Variants in GMDS observed in about 807,000 individuals in gnomAD.
The protein encoded by GMDS is GDP-mannose 4,6-dehydratase.
GMDS carries 20 observed loss-of-function variants against 49.9 expected under a neutral mutation model. The observed-to-expected ratio is 0.40, with a 90% CI of 0.28 to 0.58. GMDS has a LOEUF of 0.58. GMDS is among the 20% of genes least tolerant of loss of function. The probability of loss-of-function intolerance (pLI) is 0.42; values close to 1 mark genes in which losing one functional copy is unlikely to be tolerated. For missense variants in GMDS, 362 were observed against 481.4 expected (o/e 0.75, Z 2.32); for synonymous variants, 177 against 178.6 (o/e 0.99, Z 0.07).
At chr6:1,872,752 G>A (rs1758838764) in intron 7 of GMDS, among the ~76,000 whole-genome samples, 1 of 152,256 alleles carries the variant, frequency 6.6e-6, no homozygotes, top group African/African-American at 2.4e-5. Flanking sequence ...GCACTTCAAA[G>A]CCCCATTAAG....
intron 9 of GMDS, among the ~76,000 whole-genome samples, chr6:1,695,907 G>GTTTTTTTTTTT (rs11366742): frequency 8.0e-6 from 1 of 124,410 alleles, no homozygotes; most frequent in African/African-American, 3.1e-5. Context: ...TTCTGTCTTG[G>GTTTTTTTTTTT]TTTTTTTTTT....
intron 9 of GMDS, among the ~76,000 whole-genome samples, chr6:1,699,695 C>T (rs1251874684): frequency 2.0e-5 from 3 of 152,134 alleles, no homozygotes; most frequent in African/African-American, 7.3e-5. Context: ...ACCATTAGGG[C>T]TCCCTGGAAA....
chr6:2,096,981 T>C (rs1255210608), intron 4 of GMDS, among the ~76,000 whole-genome samples: 1 of 152,128 alleles, frequency 6.6e-6, no homozygotes, highest in Non-Finnish European at 1.5e-5. Context: ...CTTTTTTATA[T>C]AGTCACTAAA....
At chr6:2,073,069 T>C (rs1772108466) in intron 4 of GMDS, among the ~76,000 whole-genome samples, 1 of 152,228 alleles carries the variant, frequency 6.6e-6, no homozygotes, top group Non-Finnish European at 1.5e-5. Flanking sequence ...ATGTTTAGGT[T>C]AGACAGTCAG....
chr6:1,999,229 G>C (rs1281666256), intron 4 of GMDS, among the ~76,000 whole-genome samples: 14 of 150,976 alleles, frequency 9.3e-5, no homozygotes, highest in African/African-American at 2.7e-4. Flanking sequence ...GGCTGAGGCA[G>C]GAGAATCGCT....
intron 9 of GMDS, among the ~76,000 whole-genome samples, chr6:1,670,505 CTTAA>C (rs1764387266): frequency 6.6e-6 from 1 of 150,732 alleles, no homozygotes; most frequent in South Asian, 2.1e-4. Context: ...CTGAGTTTTT[CTTAA>C]TTAATGAGCA....
intron 7 of GMDS, among the ~76,000 whole-genome samples, chr6:1,831,308 A>T (rs1404672489): frequency 6.6e-6 from 1 of 152,198 alleles, no homozygotes; most frequent in Non-Finnish European, 1.5e-5. Context: ...GAATGCCTGT[A>T]CTCTGGATCT....
intron 7 of GMDS, among the ~76,000 whole-genome samples, chr6:1,798,257 AC>A (rs1769816177): frequency 6.6e-6 from 1 of 151,478 alleles, no homozygotes; most frequent in African/African-American, 2.4e-5. Context: ...ACACACACAC[AC>A]ACACACACAC....
chr6:2,051,808 C>T (rs1770411302), intron 4 of GMDS, among the ~76,000 whole-genome samples: 1 of 152,148 alleles, frequency 6.6e-6, no homozygotes, highest in Non-Finnish European at 1.5e-5. Context: ...TTTCCATCTG[C>T]TTCTAGCAGG....
intron 1 of GMDS, among the ~76,000 whole-genome samples, chr6:2,196,035 C>T (rs12192966): frequency 6.6e-6 from 1 of 152,032 alleles, no homozygotes; most frequent in Admixed American, 6.5e-5. Context: ...CAAATAATGT[C>T]TAAGTTTTTA....
chr6:2,242,756 A>G (rs1157872798), intron 1 of GMDS, among the ~76,000 whole-genome samples: 1 of 152,148 alleles, frequency 6.6e-6, no homozygotes, highest in African/African-American at 2.4e-5. Flanking sequence ...AACATATTTA[A>G]CCTTACTTAG....
chr6:1,917,718 G>C (rs1033286492), intron 7 of GMDS, among the ~76,000 whole-genome samples: 1 of 152,206 alleles, frequency 6.6e-6, no homozygotes, highest in Non-Finnish European at 1.5e-5. Context: ...TACCTTGAAT[G>C]GGGTATCTGT....
intron 1 of GMDS, among the ~76,000 whole-genome samples, chr6:2,168,345 C>A (rs753129029): frequency 6.6e-6 from 1 of 152,130 alleles, no homozygotes; most frequent in Non-Finnish European, 1.5e-5. Context: ...CAGCTTCATG[C>A]GCACCACTTT....
chr6:1,817,452 G>T (rs1770718380), intron 7 of GMDS, among the ~76,000 whole-genome samples: 1 of 152,152 alleles, frequency 6.6e-6, no homozygotes, highest in Non-Finnish European at 1.5e-5. Context: ...TGTTTGGAAA[G>T]AAATCTTTTC....
At chr6:2,048,998 T>C (rs576553184) in intron 4 of GMDS, among the ~76,000 whole-genome samples, 1 of 152,252 alleles carries the variant, frequency 6.6e-6, no homozygotes, top group East Asian at 1.9e-4. Context: ...ATTCGTGCCC[T>C]TATGAGAAGA....
intron 4 of GMDS, among the ~76,000 whole-genome samples, chr6:2,113,650 C>T (rs1282297588): frequency 2.0e-5 from 3 of 152,096 alleles, no homozygotes; most frequent in Non-Finnish European, 4.4e-5. Context: ...GGTTCCGCCT[C>T]GCACTATCCA....
rs573095229 is a variant in GMDS, at chr6:2,124,993, C to A, written c.103-262G>T. Among the ~76,000 whole-genome samples, 6 of 152,314 alleles carry A rather than the reference C, an allele frequency of 3.9e-5. No homozygotes were observed. The East Asian group carries it at 1.2e-3, about 29-fold the overall frequency. On this transcript the variant is annotated intron_variant, in intron 1 of 10. Transcript: ENST00000380815. ...AATCCAGGAAAGTGATATGCATCAA[C>A]AGACAGCATGAAGTTCCAGAATCAG...
At chr6:1,865,171 A>T (rs533498393) in intron 7 of GMDS, among the ~76,000 whole-genome samples, 1 of 152,326 alleles carries the variant, frequency 6.6e-6, no homozygotes, top group African/African-American at 2.4e-5. Context: ...TTCTGTAAGA[A>T]ATATTCCTCA....
At chr6:2,156,571 T>G (rs1226510636) in intron 1 of GMDS, among the ~76,000 whole-genome samples, 1 of 152,210 alleles carries the variant, frequency 6.6e-6, no homozygotes, top group African/African-American at 2.4e-5. Context: ...TGATAACTAT[T>G]AAAATATTAA....
Sources: allele counts gnomAD v4.1 joint callset (sites outside exome capture counted in the v4.1 genomes callset), GRCh38; gene constraint gnomAD v4.1.1; transcripts MANE v1.5; gene names NCBI Gene and HGNC (gene_info 2026-07-23, HGNC 2026-07-21).